Variants in NRG3 observed in about 807,000 individuals in gnomAD.
NRG3 encodes neuregulin 3, also known as pro-neuregulin-3, membrane-bound isoform.
Under a neutral mutation model 66.9 loss-of-function variants are expected in NRG3, and 31 were observed. The observed-to-expected ratio is 0.46, with a 90% CI of 0.35 to 0.63. The LOEUF (loss-of-function observed/expected upper bound fraction) is 0.63. NRG3 is among the 20% of genes least tolerant of loss of function. NRG3 has a pLI of 0.00. For synonymous variants in NRG3, 393 were observed against 359.4 expected, an observed-to-expected ratio of 1.09 and a Z score of -1.06; for missense variants, 910 against 878.9, an observed-to-expected ratio of 1.04 and a Z score of -0.45.
At chr10:82,872,851 G>T (rs1294796549) in intron 4 of NRG3, among the ~76,000 whole-genome samples, 5 of 152,036 alleles carry the variant, frequency 3.3e-5, no homozygotes, top group Non-Finnish European at 7.4e-5. Context: ...TAATGCCATA[G>T]TGCAAATCTA....
At chr10:82,286,294 G>A (rs951208545) in intron 1 of NRG3, among the ~76,000 whole-genome samples, 5 of 152,028 alleles carry the variant, frequency 3.3e-5, no homozygotes, top group Admixed American at 6.6e-5. Context: ...TAGATTATTA[G>A]TTACATTTAA....
In NRG3 at chr10:82,253,323, C is replaced by T. The variant is rs113112206; in HGVS notation, c.824-105416C>T. On this transcript the variant is annotated intron_variant, in intron 1 of 8. Coordinates refer to ENST00000372141, the MANE Select transcript of NRG3 (RefSeq NM_001010848.4). ...TCCAGCATTAGTTGCTCTCTTCCTACTTCAAACCCACAAGATGAACCTTCC... is the reference window on the plus strand; with the variant it reads ...TCCAGCATTAGTTGCTCTCTTCCTATTTCAAACCCACAAGATGAACCTTCC... Among the ~76,000 whole-genome samples the T allele has an allele frequency of 3.5e-3, 540 of 152,276 alleles. 3 individuals carry two copies. Among genetic ancestry groups the T allele is most frequent in the African/African-American group, 0.011 (468 of 41,546 alleles).
chr10:82,590,108 G>A (rs1257353806), intron 2 of NRG3, among the ~76,000 whole-genome samples: 3 of 152,156 alleles, frequency 2.0e-5, no homozygotes, highest in Non-Finnish European at 1.5e-5. Flanking sequence ...TCTACCATCT[G>A]ATTGAATTTG....
intron 1 of NRG3, among the ~76,000 whole-genome samples, chr10:81,877,530 C>T (rs1159566423): frequency 1.3e-5 from 2 of 152,236 alleles, no homozygotes; most frequent in East Asian, 3.9e-4. Context: ...ATTTCCCTGC[C>T]CTATGATCTT....
chr10:82,165,083 A>G (rs1261903061), intron 1 of NRG3, among the ~76,000 whole-genome samples: 2 of 152,162 alleles, frequency 1.3e-5, no homozygotes, highest in African/African-American at 4.8e-5. Context: ...TTTTTATATA[A>G]GTACTATATT....
At chr10:82,610,881 AT>A (rs983227874) in intron 2 of NRG3, among the ~76,000 whole-genome samples, 7 of 152,214 alleles carry the variant, frequency 4.6e-5, no homozygotes, top group African/African-American at 1.7e-4. Flanking sequence ...GTTGTATTCA[AT>A]TATGAGAAAG....
intron 1 of NRG3, among the ~76,000 whole-genome samples, chr10:82,317,592 C>A (rs2081361409): frequency 6.6e-6 from 1 of 152,186 alleles, no homozygotes; most frequent in Admixed American, 6.5e-5. Flanking sequence ...TCTCCTAAGT[C>A]ACCTACTTTC....
intron 1 of NRG3, among the ~76,000 whole-genome samples, chr10:82,204,269 T>C (rs2075001618): frequency 6.6e-6 from 1 of 152,192 alleles, no homozygotes; most frequent in Non-Finnish European, 1.5e-5. Flanking sequence ...ACCACTGTCT[T>C]ACTACAACAA....
chr10:82,817,465 C>G (rs1450035917), intron 3 of NRG3, among the ~76,000 whole-genome samples: 2 of 152,170 alleles, frequency 1.3e-5, no homozygotes, highest in African/African-American at 4.8e-5. Flanking sequence ...TGGCCTGTTT[C>G]CAGGCACTTG....
rs75446911 is a variant in NRG3, at chr10:82,289,565, G to A, written c.824-69174G>A. ...CTTGCATTCACATTTGTTTTCTTGA[G>A]ATGAGATAAAAGATTTAATTTACTG... On this transcript the variant is annotated intron_variant, in intron 1 of 8. Transcript: ENST00000372141. Among the ~76,000 whole-genome samples, 503 of 152,258 alleles carry A rather than the reference G, an allele frequency of 3.3e-3. 6 individuals are homozygous for A. The highest frequency in any genetic ancestry group is 0.012 in the African/African-American group (491 of 41,550).
chr10:81,913,996 G>A (rs1343725021), intron 1 of NRG3, among the ~76,000 whole-genome samples: 2 of 152,100 alleles, frequency 1.3e-5, no homozygotes, highest in Non-Finnish European at 2.9e-5. Flanking sequence ...TGTATCAAGC[G>A]GTACAGCTAT....
intron 1 of NRG3, among the ~76,000 whole-genome samples, chr10:82,294,296 G>T (rs1264425566): frequency 6.6e-6 from 1 of 152,140 alleles, no homozygotes; most frequent in East Asian, 1.9e-4. Flanking sequence ...TTGATCCGAG[G>T]TGAATAAAGC....
intron 2 of NRG3, among the ~76,000 whole-genome samples, chr10:82,548,382 G>A (rs1260693468): frequency 6.6e-6 from 1 of 151,850 alleles, no homozygotes; most frequent in Non-Finnish European, 1.5e-5. Context: ...GTTGTCTTCT[G>A]GTTCAATGGC....
chr10:82,690,354 A>G (rs1163541060), intron 2 of NRG3, among the ~76,000 whole-genome samples: 2 of 151,860 alleles, frequency 1.3e-5, no homozygotes, highest in Non-Finnish European at 2.9e-5. Context: ...TTTGCGTGCA[A>G]TCTCTCTTCC....
chr10:82,636,272 C>T (rs1361467598), intron 2 of NRG3, among the ~76,000 whole-genome samples: 1 of 150,748 alleles, frequency 6.6e-6, no homozygotes, highest in African/African-American at 2.4e-5. Context: ...AATATGTGTA[C>T]AGGCATGCGG....
At chr10:82,431,826 A>T (rs1445941397) in intron 2 of NRG3, among the ~76,000 whole-genome samples, 4 of 152,140 alleles carry the variant, frequency 2.6e-5, no homozygotes, top group Admixed American at 6.6e-5. Flanking sequence ...GAATATTCTT[A>T]AAAAAATGGA....
At chr10:82,240,669 A>G (rs1257026139) in intron 1 of NRG3, among the ~76,000 whole-genome samples, 2 of 152,178 alleles carry the variant, frequency 1.3e-5, no homozygotes, top group Non-Finnish European at 2.9e-5. Flanking sequence ...TCCAGAATAA[A>G]TAGGCTATTT....
intron 2 of NRG3, among the ~76,000 whole-genome samples, chr10:82,681,676 T>C (rs2134125181): frequency 6.6e-6 from 1 of 152,342 alleles, no homozygotes; most frequent in African/African-American, 2.4e-5. Context: ...TCTTTTGGTT[T>C]CATTGCTATT....
intron 2 of NRG3, among the ~76,000 whole-genome samples, chr10:82,659,936 A>C (rs1224711595): frequency 5.3e-5 from 8 of 151,832 alleles, no homozygotes; most frequent in African/African-American, 1.7e-4. Context: ...TGGCTCATGT[A>C]TGTAATCCCA....
Sources: allele counts gnomAD v4.1 joint callset (sites outside exome capture counted in the v4.1 genomes callset), GRCh38; gene constraint gnomAD v4.1.1; transcripts MANE v1.5; gene names NCBI Gene and HGNC (gene_info 2026-07-23, HGNC 2026-07-21).